Variants in PMS1 observed in about 807,000 individuals in gnomAD.
PMS1 encodes PMS1 protein homolog 1.
In PMS1, 79 loss-of-function variants were observed where a neutral mutation model predicts 93.1. The observed-to-expected ratio is 0.85, with a 90% CI of 0.71 to 1.02. PMS1 has a LOEUF of 1.02. Ranked by LOEUF, PMS1 falls within the 50% of genes least tolerant of loss-of-function variation. The probability of loss-of-function intolerance (pLI) is 0.00; values close to 1 mark genes in which losing one functional copy is unlikely to be tolerated. For synonymous variants in PMS1, 335 were observed against 363.4 expected (o/e 0.92, Z 0.89); for missense variants, 1,064 against 1,085.3 (o/e 0.98, Z 0.28).
intron 4 of PMS1, among the ~76,000 whole-genome samples, chr2:189,809,457 T>TTC (rs1247107711): frequency 6.8e-6 from 1 of 146,030 alleles, no homozygotes; most frequent in Non-Finnish European, 1.5e-5. Flanking sequence ...CTTTTTTTTT[T>TTC]TTTTTTTTTT....
intron 10 of PMS1, among the ~76,000 whole-genome samples, chr2:189,865,718 A>C (rs1209952116): frequency 6.6e-6 from 1 of 152,236 alleles, no homozygotes. Flanking sequence ...AAAAATAAAT[A>C]ATGACTAACC....
intron 6 of PMS1, among the ~76,000 whole-genome samples, chr2:189,847,968 G>A (rs571075828): frequency 4.6e-5 from 7 of 152,096 alleles, no homozygotes; most frequent in Non-Finnish European, 7.4e-5. Flanking sequence ...TTTCTTGGCC[G>A]GGGGAAAATT....
chr2:189,804,835 T>A (rs181005083), intron 3 of PMS1, among the ~76,000 whole-genome samples: 45 of 152,288 alleles, frequency 3.0e-4, no homozygotes, highest in African/African-American at 9.6e-4. Flanking sequence ...TCACCAGACA[T>A]GTGAGGAGGC....
intron 4 of PMS1, chr2:189,805,996 C>T: frequency 7.8e-7 from 1 of 1,284,608 alleles, no homozygotes; most frequent in Non-Finnish European, 1.0e-6. Flanking sequence ...AGTTACTCCT[C>T]TGTAAAAACT....
chr2:189,850,946 G>T (rs1027417801), intron 6 of PMS1, among the ~76,000 whole-genome samples: 19 of 152,114 alleles, frequency 1.2e-4, no homozygotes, highest in Admixed American at 4.6e-4. Context: ...GGGAGGAGAG[G>T]TATTTGTATT....
chr2:189,870,987 G>C (rs1362275964), intron 11 of PMS1, among the ~76,000 whole-genome samples: 1 of 152,198 alleles, frequency 6.6e-6, no homozygotes, highest in Admixed American at 6.5e-5. Flanking sequence ...ACAAAGAAAA[G>C]AGGTTTATTT....
At chr2:189,803,412 T>C (rs748097600) in intron 3 of PMS1, among the ~76,000 whole-genome samples, 5 of 152,222 alleles carry the variant, frequency 3.3e-5, no homozygotes, top group Non-Finnish European at 5.9e-5. Flanking sequence ...ATAACTAATA[T>C]AGCCTCCAAG....
At chr2:189,813,962 G>C (rs977698764) in intron 4 of PMS1, among the ~76,000 whole-genome samples, 1 of 152,306 alleles carries the variant, frequency 6.6e-6, no homozygotes, top group South Asian at 2.1e-4. Flanking sequence ...ACATCTAGGG[G>C]AACAAAGAAT....
Position 189,795,963 on chromosome 2 carries a change from A to G in PMS1, c.315+12A>G. On this transcript the variant is annotated intron_variant, in intron 3 of 12. Transcript: ENST00000441310. ...GTTGTATAGCTGAGGTAAGGTAATTATATTGGTTATTTTAGTGATTTCATA... is the reference window on the plus strand; with the variant it reads ...GTTGTATAGCTGAGGTAAGGTAATTGTATTGGTTATTTTAGTGATTTCATA... The G allele has an allele frequency of 1.3e-6, 2 of 1,557,712 alleles. No individual in the cohort carries two copies. Among genetic ancestry groups the G allele is most frequent in the Non-Finnish European group, 1.8e-6 (2 of 1,128,438 alleles).
intron 3 of PMS1, among the ~76,000 whole-genome samples, chr2:189,796,456 G>A (rs941140146): frequency 1.3e-5 from 2 of 152,074 alleles, no homozygotes; most frequent in African/African-American, 4.8e-5. Flanking sequence ...TCACATTGTC[G>A]TGTATCTATA....
At chr2:189,876,465 A>C (rs2057575170) in intron 12 of PMS1, among the ~76,000 whole-genome samples, 1 of 152,158 alleles carries the variant, frequency 6.6e-6, no homozygotes, top group South Asian at 2.1e-4. Context: ...CTAGAGGGTG[A>C]TCTGGCCTCT....
chr2:189,875,074 A>G (rs2057448510), intron 12 of PMS1, among the ~76,000 whole-genome samples: 1 of 151,800 alleles, frequency 6.6e-6, no homozygotes, highest in Non-Finnish European at 1.5e-5. Flanking sequence ...GCTTCCATTT[A>G]AGGTCAATAA....
intron 9 of PMS1, among the ~76,000 whole-genome samples, chr2:189,862,567 A>G (rs751766307): frequency 1.3e-5 from 2 of 152,200 alleles, no homozygotes; most frequent in African/African-American, 2.4e-5. Context: ...TGTGGGTGAT[A>G]TGTTTAAAAC....
chr2:189,836,130 A>G (rs1478945688), intron 5 of PMS1, among the ~76,000 whole-genome samples: 2 of 152,194 alleles, frequency 1.3e-5, no homozygotes, highest in African/African-American at 4.8e-5. Flanking sequence ...TGCAGCCTAC[A>G]TTTCTCTTTA....
At chr2:189,851,104 T>G (rs1238499154) in intron 6 of PMS1, among the ~76,000 whole-genome samples, 1 of 152,212 alleles carries the variant, frequency 6.6e-6, no homozygotes, top group Non-Finnish European at 1.5e-5. Context: ...TTTTCACTTT[T>G]TACAGCATTT....
In PMS1 at chr2:189,844,213, C is replaced by G. The variant is rs148686442; in HGVS notation, c.699+133C>G. The G allele has an allele frequency of 7.9e-3, 11,225 of 1,416,122 alleles. 63 individuals carry two copies. The highest frequency in any genetic ancestry group is 0.01 in the Non-Finnish European group (10,473 of 1,046,206). 87.7% of individuals were successfully genotyped at this position (1,416,122 alleles called of 1,614,324 possible). A position where few individuals can be genotyped will look rare whatever the true frequency, so the allele number is the denominator to read the frequency against. On this transcript the variant is annotated intron_variant, in intron 6 of 12. Transcript: ENST00000441310. ...AATCAAATATGTGTGTAAGGTAAAA[C>G]AGTCAATACAGAGCTTATGTTAAAC...
rs1467216178 is a variant in PMS1, at chr2:189,854,342, A to T, written c.1070A>T (p.Asp357Val). 16 of 1,600,358 alleles carry T rather than the reference A, an allele frequency of 1.0e-5. No homozygotes were observed. Among genetic ancestry groups the T allele is most frequent in the Non-Finnish European group, 1.2e-5 (14 of 1,172,654 alleles). Residue 357 changes from aspartate (D) to valine (V), a missense_variant, in exon 9 of 13, where the codon GAC becomes GTC. Transcript: ENST00000441310. The stretch of plus-strand genomic sequence containing the variant: ...AATAAAACAGATGTTTCCGCAGCTG[A>T]CATCGTTCTTAGTAAAACAGCAGAA... ...ENNKTDVSAADIVLSKTAETD... is the reference protein window; with the variant it reads ...ENNKTDVSAAVIVLSKTAETD...
At chr2:189,875,676 G>T (rs557397491) in intron 12 of PMS1, among the ~76,000 whole-genome samples, 23 of 152,232 alleles carry the variant, frequency 1.5e-4, no homozygotes, top group African/African-American at 5.3e-4. Flanking sequence ...GAGGAGGCCA[G>T]GCTTACTGGC....
intron 1 of PMS1, among the ~76,000 whole-genome samples, chr2:189,791,154 A>T (rs918785474): frequency 6.6e-6 from 1 of 151,718 alleles, no homozygotes. Context: ...ATAGGCATTT[A>T]TATGTATTCA....
Sources: allele counts gnomAD v4.1 joint callset (sites outside exome capture counted in the v4.1 genomes callset), GRCh38; gene constraint gnomAD v4.1.1; transcripts MANE v1.5; gene names NCBI Gene and HGNC (gene_info 2026-07-23, HGNC 2026-07-21).